Variants in PDPN observed in about 807,000 individuals in gnomAD.
PDPN encodes podoplanin.
In PDPN, 12 loss-of-function variants were observed where a neutral mutation model predicts 23.2. The ratio of observed to expected loss-of-function variants is 0.52; its 90% CI spans 0.33 to 0.84. PDPN has a LOEUF of 0.84. Among genes scored for constraint, PDPN ranks in the 40% least tolerant of loss-of-function variants. The pLI is 0.02. For missense variants in PDPN, 199 were observed against 212.2 expected, an observed-to-expected ratio of 0.94 and a Z score of 0.39; for synonymous variants, 77 against 76.7, an observed-to-expected ratio of 1.00 and a Z score of -0.02.
chr1:13,602,590 CT>C (rs538713638), intron 1 of PDPN, among the ~76,000 whole-genome samples: 8 of 151,870 alleles, frequency 5.3e-5, no homozygotes, highest in Non-Finnish European at 1.0e-4. Context: ...AAAAGTACTT[CT>C]TTTTTTTGTC....
At position 13,614,811 on chromosome 1, in the gene PDPN, A is replaced by G. The variant is rs894919779; in HGVS notation, c.482+400A>G. 8 of 517,364 alleles carry G rather than the reference A, an allele frequency of 1.5e-5. No homozygotes were observed. In the East Asian group the frequency reaches 2.2e-4, roughly 14 times the overall value. The allele number at this position is 517,364 out of a possible 1,614,324, so 32.0% of individuals were successfully genotyped here. On this transcript the variant is annotated intron_variant, in intron 5 of 5. Transcript: ENST00000621990. ...CTTAAAAATAAGAAAGAGCCTCTTC[A>G]TCTTCAAAAGGACTACATCTGAAGT... is the stretch of plus-strand genomic sequence containing the variant.
At position 13,584,103 on chromosome 1, in the gene PDPN, A is replaced by G. The variant is rs777062623; in HGVS notation, c.67+3A>G. The G allele has an allele frequency of 4.3e-6, 7 of 1,612,822 alleles. No individual in the cohort carries two copies. Among genetic ancestry groups the G allele is most frequent in the Non-Finnish European group, 5.9e-6 (7 of 1,179,872 alleles). On this transcript the variant is annotated splice_donor_region_variant and intron_variant, in intron 1 of 5. Transcript: ENST00000621990. Reference sequence around the variant, plus strand: ...GCTCTGGGTCCTGGCAGAAGGAGGTAAGACCCAGCGCAAGTGGCTTCCTGC... The same window carrying G: ...GCTCTGGGTCCTGGCAGAAGGAGGTGAGACCCAGCGCAAGTGGCTTCCTGC...
At chr1:13,588,694 T>C (rs1640251646) in intron 1 of PDPN, among the ~76,000 whole-genome samples, 1 of 148,848 alleles carries the variant, frequency 6.7e-6, no homozygotes, top group African/African-American at 2.5e-5. Context: ...TATGTATTTT[T>C]TTGAGACAGG....
chr1:13,587,097 G>T (rs967106322), intron 1 of PDPN, among the ~76,000 whole-genome samples: 1 of 152,236 alleles, frequency 6.6e-6, no homozygotes, highest in East Asian at 1.9e-4. Context: ...TGAAATTAAA[G>T]GTTAACCTCA....
chr1:13,600,194 A>G (rs1640607258), intron 1 of PDPN, among the ~76,000 whole-genome samples: 1 of 152,146 alleles, frequency 6.6e-6, no homozygotes, highest in Non-Finnish European at 1.5e-5. Context: ...CAGAAGGGGA[A>G]GGATCTCAGA....
At chr1:13,585,014 G>T (rs917610152) in intron 1 of PDPN, among the ~76,000 whole-genome samples, 1 of 152,122 alleles carries the variant, frequency 6.6e-6, no homozygotes, top group Non-Finnish European at 1.5e-5. Context: ...TAGAACATAT[G>T]TTCTGCAGGA....
rs1180929297 is a variant in PDPN, at chr1:13,583,860, A to AG, written c.-171dup. The AG allele has an allele frequency of 1.3e-6, 2 of 1,596,308 alleles. No individual in the cohort carries two copies. Among genetic ancestry groups the AG allele is most frequent in the East Asian group, 4.5e-5 (2 of 44,794 alleles). On this transcript the variant is annotated 5_prime_UTR_variant, in exon 1 of 6. Coordinates refer to ENST00000621990, the MANE Select transcript of PDPN (RefSeq NM_006474.5). The stretch of plus-strand genomic sequence containing the variant: ...TGCAAAGTTTGCTGTCCGGCTGCCT[A>AG]GGGTCTGGGAAGCTCGGGCACCCTC...
intron 1 of PDPN, among the ~76,000 whole-genome samples, chr1:13,597,912 C>T (rs1405077572): frequency 6.6e-6 from 1 of 152,088 alleles, no homozygotes; most frequent in Non-Finnish European, 1.5e-5. Flanking sequence ...AAAATCGAGG[C>T]TGCAGTGAGC....
intron 1 of PDPN, among the ~76,000 whole-genome samples, chr1:13,593,634 C>T (rs1167605178): frequency 2.0e-5 from 3 of 152,228 alleles, no homozygotes; most frequent in Non-Finnish European, 4.4e-5. Context: ...GTCTGAGCTG[C>T]GTGGGGTGGA....
At position 13,594,887 on chromosome 1, in the gene PDPN, C is replaced by T. The variant is rs374358777; in HGVS notation, c.67+10787C>T. ...GCGGGCACCTGTAGTCCCAGCTACTCGGGAGGCTGAGGCGGGAGAATGGCG... is the reference window on the plus strand; with the variant it reads ...GCGGGCACCTGTAGTCCCAGCTACTTGGGAGGCTGAGGCGGGAGAATGGCG... On this transcript the variant is annotated intron_variant, in intron 1 of 5. Transcript: ENST00000621990. Among the ~76,000 whole-genome samples, 986 of 150,692 alleles carry T rather than the reference C, an allele frequency of 6.5e-3. 7 individuals are homozygous for T. Among genetic ancestry groups the T allele is most frequent in the African/African-American group, 0.018 (756 of 40,990 alleles).
intron 1 of PDPN, among the ~76,000 whole-genome samples, chr1:13,584,802 G>C (rs1442898928): frequency 6.6e-6 from 1 of 152,180 alleles, no homozygotes; most frequent in Admixed American, 6.5e-5. Flanking sequence ...CAACATCAGT[G>C]GCTGAATGTC....
intron 1 of PDPN, among the ~76,000 whole-genome samples, chr1:13,586,763 TAAA>T (rs34131450): frequency 6.4e-4 from 80 of 125,428 alleles, no homozygotes; most frequent in Admixed American, 1.3e-3. Context: ...ACTCTGCCAT[TAAA>T]AAAAAAAAAA....
chr1:13,592,543 ATTT>A (rs34176163), intron 1 of PDPN, among the ~76,000 whole-genome samples: 3,452 of 104,978 alleles, frequency 0.033, 88 homozygotes, highest in South Asian at 0.092. Flanking sequence ...TGAAAAGATG[ATTT>A]TTTTTTTTTT....
intron 1 of PDPN, among the ~76,000 whole-genome samples, chr1:13,597,562 C>G (rs542386756): frequency 6.6e-6 from 1 of 152,286 alleles, no homozygotes; most frequent in East Asian, 1.9e-4. Flanking sequence ...ATGGAAACAG[C>G]ACAGGAGCTC....
At position 13,610,032 on chromosome 1, in the gene PDPN, C is replaced by T. The variant is rs1640893512; in HGVS notation, c.202-355C>T. ...TGAAACGAGACTGCACCATTGCACT[C>T]CAGCCTGGGCAACAAGAGCGAAACT... On this transcript the variant is annotated intron_variant, in intron 2 of 5. Transcript: ENST00000621990. Among the ~76,000 whole-genome samples the T allele has an allele frequency of 2.6e-5, 4 of 152,060 alleles. No homozygotes were observed. The South Asian group carries it at 8.3e-4, about 32-fold the overall frequency.
chr1:13,612,364 AT>A (rs1640956518), intron 3 of PDPN, among the ~76,000 whole-genome samples: 1 of 152,204 alleles, frequency 6.6e-6, no homozygotes, highest in Non-Finnish European at 1.5e-5. Flanking sequence ...ATAAGCTCTA[AT>A]TTAGTAACAA....
chr1:13,614,753 C>T, intron 5 of PDPN: 1 of 474,572 alleles, frequency 2.1e-6, no homozygotes, highest in South Asian at 1.5e-5. Context: ...TGCCACTGCA[C>T]TCCAGCCTGG....
At chr1:13,607,641 C>T (rs1482870720) in intron 2 of PDPN, among the ~76,000 whole-genome samples, 1 of 152,200 alleles carries the variant, frequency 6.6e-6, no homozygotes, top group Non-Finnish European at 1.5e-5. Context: ...CCAATTTCGT[C>T]CACTTAGCTG....
chr1:13,607,375 T>C, intron 2 of PDPN, 69 bp downstream of exon 2: 1 of 1,124,964 alleles, frequency 8.9e-7, no homozygotes, highest in Non-Finnish European at 1.2e-6. Flanking sequence ...ATGATGTATA[T>C]TAATTTACTT....
Sources: gnomAD v4.1 joint callset for allele counts (sites outside exome capture counted in the v4.1 genomes callset) on GRCh38, gnomAD v4.1.1 for gene constraint, MANE v1.5 for transcripts, NCBI Gene and HGNC (gene_info 2026-07-23, HGNC 2026-07-21) for gene names.